The following TMOD1 variants were observed in gnomAD, a reference collection of about 807,000 sequenced individuals.
TMOD1 encodes the protein tropomodulin 1, also known as tropomodulin-1.
Under a neutral mutation model 40.6 loss-of-function variants are expected in TMOD1, and 17 were observed. The ratio of observed to expected loss-of-function variants is 0.42; its 90% CI spans 0.29 to 0.63. The LOEUF is 0.63. Ranked by LOEUF, TMOD1 falls within the 20% of genes least tolerant of loss-of-function variation. The pLI is 0.22. For missense variants in TMOD1, 391 were observed against 447.6 expected, an observed-to-expected ratio of 0.87 and a Z score of 1.14; for synonymous variants, 181 against 175.0, an observed-to-expected ratio of 1.03 and a Z score of -0.27.
At chr9:97,598,266 T>C (rs1188072377) in intron 9 of TMOD1, among the ~76,000 whole-genome samples, 1 of 144,958 alleles carries the variant, frequency 6.9e-6, no homozygotes, top group East Asian at 2.0e-4. Context: ...GAGGCGAGGT[T>C]GCAGTGGGCC....
chr9:97,532,603 G>T (rs1327937160), intron 2 of TMOD1, among the ~76,000 whole-genome samples: 1 of 151,388 alleles, frequency 6.6e-6, no homozygotes, highest in South Asian at 2.1e-4. Flanking sequence ...TGCCTTATTT[G>T]GTTCTGATCA....
At chr9:97,540,640 A>G (rs373681572) in intron 2 of TMOD1, among the ~76,000 whole-genome samples, 4 of 152,306 alleles carry the variant, frequency 2.6e-5, no homozygotes, top group East Asian at 1.9e-4. Context: ...TGTATAATAC[A>G]TGGCCTTTTG....
In TMOD1 at chr9:97,502,634, G is replaced by A. The variant is rs947429199; in HGVS notation, c.-49+831G>A. Among the ~76,000 whole-genome samples, 8 of 152,200 alleles carry A rather than the reference G, an allele frequency of 5.3e-5. No homozygotes were observed. The highest frequency in any genetic ancestry group is 1.7e-4 in the African/African-American group (7 of 41,454). On this transcript the variant is annotated intron_variant, in intron 1 of 9. Coordinates refer to ENST00000259365, the MANE Select transcript of TMOD1 (RefSeq NM_003275.4). This position sits in a 1 kb window ranked among gnomAD's most constrained non-coding sequence, Gnocchi z 6.1. ...ACCCTCTCCGGGCCTGGGACGCTGG[G>A]GTCCCAGCCGCGCACATGCGGAGAC... is the stretch of plus-strand genomic sequence containing the variant.
intron 1 of TMOD1, among the ~76,000 whole-genome samples, chr9:97,510,160 G>C (rs936152545): frequency 6.6e-6 from 1 of 151,948 alleles, no homozygotes; most frequent in African/African-American, 2.4e-5. Context: ...CTGCTATGAG[G>C]CTATGTGATG....
chr9:97,583,125 T>C (rs1024142152), intron 8 of TMOD1, among the ~76,000 whole-genome samples: 9 of 150,410 alleles, frequency 6.0e-5, no homozygotes, highest in South Asian at 2.1e-4. Flanking sequence ...CAGTATGATA[T>C]TGGCTGTGGG....
At chr9:97,543,631 G>T (rs1156707964) in intron 2 of TMOD1, among the ~76,000 whole-genome samples, 2 of 152,312 alleles carry the variant, frequency 1.3e-5, no homozygotes, top group East Asian at 3.9e-4. Flanking sequence ...CCAAGTCAGG[G>T]CTTAAGCCTG....
chr9:97,585,017 ATTG>A (rs1204369069), intron 8 of TMOD1, among the ~76,000 whole-genome samples: 16 of 152,136 alleles, frequency 1.1e-4, no homozygotes, highest in African/African-American at 3.1e-4. Flanking sequence ...TAAAGTTAAT[ATTG>A]TTATGTGTGA....
At chr9:97,563,995 C>A (rs1347297961) in intron 5 of TMOD1, 43 bp from the exon 6 acceptor site, 1 of 1,592,128 alleles carries the variant, frequency 6.3e-7, no homozygotes, top group South Asian at 1.1e-5. Flanking sequence ...GAAAGTGAGC[C>A]CCTTGTTTCT....
intron 9 of TMOD1, among the ~76,000 whole-genome samples, chr9:97,592,599 A>G (rs749403883): frequency 3.9e-5 from 6 of 152,182 alleles, no homozygotes; most frequent in Non-Finnish European, 5.9e-5. Context: ...CACTCAAAGT[A>G]TGTCACTTCC....
At chr9:97,554,384 T>C (rs1419395434) in intron 4 of TMOD1, among the ~76,000 whole-genome samples, 1 of 152,080 alleles carries the variant, frequency 6.6e-6, no homozygotes, top group African/African-American at 2.4e-5. Flanking sequence ...GTTTACAACC[T>C]GTGGCACTTG....
intron 3 of TMOD1, among the ~76,000 whole-genome samples, chr9:97,548,268 T>C (rs982929644): frequency 1.3e-5 from 2 of 152,180 alleles, no homozygotes; most frequent in African/African-American, 2.4e-5. Context: ...AAGTAGCTGC[T>C]TCATAAAATG....
At chr9:97,538,441 A>G (rs147930799) in intron 2 of TMOD1, among the ~76,000 whole-genome samples, 132 of 148,964 alleles carry the variant, frequency 8.9e-4, no homozygotes, top group African/African-American at 3.1e-3. Flanking sequence ...TGGTGGAGTC[A>G]GATTGATGCT....
rs763442773 is a variant in TMOD1, at chr9:97,588,090, A to G, written c.871-3201A>G. Among the ~76,000 whole-genome samples, 14 of 152,244 alleles carry G rather than the reference A, an allele frequency of 9.2e-5. No individual in the cohort carries two copies. The South Asian group carries it at 2.9e-3, about 32-fold the overall frequency. On this transcript the variant is annotated intron_variant, in intron 8 of 9. Coordinates refer to ENST00000259365, the MANE Select transcript of TMOD1 (RefSeq NM_003275.4). ...ATGAACAAGTTTTTTGTGTGGACTTATGTTTTTATTTATTTTCCACCCAAG... is the reference window on the plus strand; with the variant it reads ...ATGAACAAGTTTTTTGTGTGGACTTGTGTTTTTATTTATTTTCCACCCAAG...
At chr9:97,575,534 TG>T (rs1563995901) in intron 8 of TMOD1, among the ~76,000 whole-genome samples, 1 of 152,216 alleles carries the variant, frequency 6.6e-6, no homozygotes, top group Non-Finnish European at 1.5e-5. Flanking sequence ...TGTAAACAGC[TG>T]GGAGATGGAG....
chr9:97,533,236 C>G (rs905685031), intron 2 of TMOD1, among the ~76,000 whole-genome samples: 1 of 152,222 alleles, frequency 6.6e-6, no homozygotes, highest in African/African-American at 2.4e-5. Context: ...CCTCCTATGG[C>G]AGGTGTTTGT....
chr9:97,559,393 A>G (rs1351105574), intron 4 of TMOD1, among the ~76,000 whole-genome samples: 2 of 152,092 alleles, frequency 1.3e-5, no homozygotes, highest in African/African-American at 4.8e-5. Flanking sequence ...AATGTGAGAA[A>G]CAGAAAGGAC....
At chr9:97,567,186 T>G (rs1394128789) in intron 7 of TMOD1, among the ~76,000 whole-genome samples, 3 of 152,216 alleles carry the variant, frequency 2.0e-5, no homozygotes, top group Admixed American at 6.5e-5. Context: ...ACCTCAGATC[T>G]CCATGGTTCC....
chr9:97,527,784 T>A (rs980876287), intron 2 of TMOD1, among the ~76,000 whole-genome samples: 43 of 151,916 alleles, frequency 2.8e-4, no homozygotes, highest in African/African-American at 1.0e-3. Context: ...GTCAGGGAGA[T>A]GGGTGAGAGG....
chr9:97,578,806 C>T (rs995222880), intron 8 of TMOD1, among the ~76,000 whole-genome samples: 6 of 152,314 alleles, frequency 3.9e-5, no homozygotes, highest in Non-Finnish European at 5.9e-5. Context: ...AGGCAGTCCT[C>T]GAAGTCCCTG....
Sources: gnomAD v4.1 joint callset for allele counts (sites outside exome capture counted in the v4.1 genomes callset) on GRCh38, gnomAD v4.1.1 for gene constraint, Gnocchi (gnomAD v3.1) non-coding constraint, MANE v1.5 for transcripts, NCBI Gene and HGNC (gene_info 2026-07-23, HGNC 2026-07-21) for gene names.